The following DLGAP1 variants were observed in gnomAD, a reference collection of about 807,000 sequenced individuals.
DLGAP1 encodes the protein DLG associated protein 1.
Under a neutral mutation model 90.8 loss-of-function variants are expected in DLGAP1, and 11 were observed. That is an observed-to-expected ratio of 0.12 (90% CI 0.08 to 0.20). The LOEUF (loss-of-function observed/expected upper bound fraction) is 0.20, where lower values mean the gene tolerates loss of function less well. DLGAP1 is among the 10% of genes least tolerant of loss of function. The pLI is 1.00. For missense variants in DLGAP1, 1,050 were observed against 1,333.8 expected, an observed-to-expected ratio of 0.79 and a Z score of 3.31; for synonymous variants, 558 against 540.7, an observed-to-expected ratio of 1.03 and a Z score of -0.44.
chr18:3,978,067 CCA>C (rs1215846708), intron 3 of DLGAP1: 1 of 384,058 alleles, frequency 2.6e-6, no homozygotes, highest in Non-Finnish European at 5.1e-6. Flanking sequence ...GAGGGGCCAT[CCA>C]CAGTTTTCTG....
At chr18:4,350,633 G>T (rs1038009806) in intron 1 of DLGAP1, among the ~76,000 whole-genome samples, 14 of 152,138 alleles carry the variant, frequency 9.2e-5, no homozygotes, top group East Asian at 3.9e-4. Flanking sequence ...CAAAGCTGGG[G>T]TGCTACAGTA....
At chr18:4,282,959 C>CA (rs2079589021) in intron 1 of DLGAP1, among the ~76,000 whole-genome samples, 5 of 152,188 alleles carry the variant, frequency 3.3e-5, no homozygotes, top group Admixed American at 2.6e-4. Context: ...AGTAATCAGT[C>CA]TGTTCAAAGT....
chr18:3,815,211 T>C (rs1406734801), intron 4 of DLGAP1, among the ~76,000 whole-genome samples: 1 of 152,230 alleles, frequency 6.6e-6, no homozygotes, highest in African/African-American at 2.4e-5. Flanking sequence ...TACCATCTCA[T>C]ATCCAGTCTG....
At chr18:3,672,582 A>G (rs1357182141) in intron 7 of DLGAP1, among the ~76,000 whole-genome samples, 1 of 40,734 alleles carries the variant, frequency 2.5e-5, no homozygotes. Flanking sequence ...TATCTCAAAA[A>G]AAAAAAAAAA....
chr18:3,830,687 A>C (rs894234955), intron 4 of DLGAP1, among the ~76,000 whole-genome samples: 2 of 152,238 alleles, frequency 1.3e-5, no homozygotes, highest in African/African-American at 2.4e-5. Context: ...GCTAACCTTA[A>C]AAAAATCAAG....
chr18:3,620,138 T>G lies in DLGAP1; in HGVS notation c.1592-37890A>C, dbSNP rs544244650. On this transcript the variant is annotated intron_variant, in intron 7 of 12. Coordinates refer to ENST00000315677, the MANE Select transcript of DLGAP1 (RefSeq NM_004746.4). ...TTAAAATGGAAAAGTTGTCCTAGAC[T>G]ACCTGAATGGGCCCAAAGTCATCGT... 5.3e-5 allele frequency among the ~76,000 whole-genome samples: 8 copies of G among 152,234 alleles called. No individual in the cohort carries two copies. In the South Asian group the frequency reaches 1.7e-3, roughly 32 times the overall value.
chr18:3,644,401 T>TTTTATTTATTTATTTATTTA lies in DLGAP1; in HGVS notation c.1592-62173_1592-62154dup, dbSNP rs376019924. ...ATTATATGTTTACAATACTATTTTA[T>TTTTATTTATTTATTTATTTA]TTTATTTATTTATTTATTTATTTAT... On this transcript the variant is annotated intron_variant, in intron 7 of 12. Transcript: ENST00000315677. 1.8e-3 allele frequency among the ~76,000 whole-genome samples: 264 copies of TTTTATTTATTTATTTATTTA among 150,784 alleles called. 2 individuals carry two copies. Among genetic ancestry groups the TTTTATTTATTTATTTATTTA allele is most frequent in the African/African-American group, 5.9e-3 (238 of 40,600 alleles).
intron 7 of DLGAP1, among the ~76,000 whole-genome samples, chr18:3,583,942 G>A (rs892313383): frequency 6.6e-6 from 1 of 151,780 alleles, no homozygotes; most frequent in Non-Finnish European, 1.5e-5. Context: ...AGCAAGATTC[G>A]GTCTAAAAAA....
At chr18:4,105,135 C>G (rs144075936) in intron 2 of DLGAP1, among the ~76,000 whole-genome samples, 4 of 152,176 alleles carry the variant, frequency 2.6e-5, no homozygotes, top group Admixed American at 1.3e-4. Context: ...AGCACTCACA[C>G]GGTGCATAAT....
intron 3 of DLGAP1, among the ~76,000 whole-genome samples, chr18:3,958,686 C>T (rs1369262738): frequency 1.3e-5 from 2 of 148,220 alleles, no homozygotes; most frequent in Non-Finnish European, 3.0e-5. Flanking sequence ...GAGTTATAAA[C>T]AGGATGCTTC....
chr18:3,694,041 C>T (rs9964324), intron 7 of DLGAP1, among the ~76,000 whole-genome samples: 100 of 148,646 alleles, frequency 6.7e-4, no homozygotes, highest in Non-Finnish European at 8.1e-4. Context: ...GCCACCCCCC[C>T]CTCAGCCCCC....
At chr18:4,369,136 C>T (rs1429504434) in intron 1 of DLGAP1, among the ~76,000 whole-genome samples, 2 of 152,202 alleles carry the variant, frequency 1.3e-5, no homozygotes, top group Admixed American at 1.3e-4. Flanking sequence ...AGAAATAGAG[C>T]TGCCTCTCCT....
At chr18:3,640,553 GTCA>G (rs2058899726) in intron 7 of DLGAP1, among the ~76,000 whole-genome samples, 2 of 152,334 alleles carry the variant, frequency 1.3e-5, no homozygotes, top group South Asian at 4.1e-4. Context: ...ACACCGGCAG[GTCA>G]GGCCCCAGGG....
chr18:4,338,948 T>C (rs2081131342), intron 1 of DLGAP1, among the ~76,000 whole-genome samples: 2 of 152,244 alleles, frequency 1.3e-5, no homozygotes, highest in Admixed American at 6.5e-5. Flanking sequence ...TAACTTATTA[T>C]ACAAGTGCTT....
At chr18:4,370,838 C>T (rs1358927130) in intron 1 of DLGAP1, among the ~76,000 whole-genome samples, 7 of 152,108 alleles carry the variant, frequency 4.6e-5, no homozygotes, top group Non-Finnish European at 5.9e-5. Context: ...AGGAAACACT[C>T]GTCACTTCCT....
At chr18:4,380,960 G>T (rs2082102799) in intron 1 of DLGAP1, among the ~76,000 whole-genome samples, 1 of 152,144 alleles carries the variant, frequency 6.6e-6, no homozygotes, top group African/African-American at 2.4e-5. Context: ...ACAGTGTGAG[G>T]CACACCCTAT....
At chr18:3,741,528 C>A (rs1204188209) in intron 6 of DLGAP1, among the ~76,000 whole-genome samples, 3 of 151,872 alleles carry the variant, frequency 2.0e-5, no homozygotes, top group Non-Finnish European at 4.4e-5. Flanking sequence ...CCATCACTAC[C>A]AACACCATCA....
chr18:3,600,851 T>TATAG (rs79062789), intron 7 of DLGAP1, among the ~76,000 whole-genome samples: 5,186 of 69,262 alleles, frequency 0.075, 1,251 homozygotes, highest in Middle Eastern at 0.18. Context: ...TATATAGATA[T>TATAG]ATAGATATAT....
At chr18:4,148,463 G>A (rs189645397) in intron 2 of DLGAP1, among the ~76,000 whole-genome samples, 2 of 152,310 alleles carry the variant, frequency 1.3e-5, no homozygotes, top group East Asian at 3.9e-4. Context: ...GGAGCCAAAG[G>A]AGACCAGGGA....
Sources: allele counts gnomAD v4.1 joint callset (sites outside exome capture counted in the v4.1 genomes callset), GRCh38; gene constraint gnomAD v4.1.1; transcripts MANE v1.5; gene names NCBI Gene and HGNC (gene_info 2026-07-23, HGNC 2026-07-21).